The following CD8A variants were observed in gnomAD, a reference collection of about 807,000 sequenced individuals.
The protein encoded by CD8A is T-cell surface glycoprotein CD8 alpha chain.
In CD8A, 25 loss-of-function variants were observed where a neutral mutation model predicts 24.2. That is an observed-to-expected ratio of 1.03 (90% CI 0.75 to 1.44). CD8A has a LOEUF of 1.44. CD8A is among the 40% of genes most tolerant of loss of function. The probability of loss-of-function intolerance (pLI) is 0.00; values close to 1 mark genes in which losing one functional copy is unlikely to be tolerated. For synonymous variants in CD8A, 165 were observed against 149.9 expected (o/e 1.10, Z -0.74); for missense variants, 360 against 319.7 (o/e 1.13, Z -0.96).
At chr2:86,797,997 T>G (rs774794515) in intron 3 of CD8A, among the ~76,000 whole-genome samples, 13 of 152,216 alleles carry the variant, frequency 8.5e-5, no homozygotes, top group Non-Finnish European at 1.3e-4. Flanking sequence ...TCCTTTTAAT[T>G]CAGTTCATAT....
intron 5 of CD8A, 127 bp downstream of exon 5, chr2:86,788,403 C>T: frequency 2.5e-6 from 2 of 784,460 alleles, no homozygotes; most frequent in Non-Finnish European, 4.5e-6. Context: ...CTGGCTGACT[C>T]CCTGCCCCAG....
chr2:86,800,318 C>T (rs772637515), intron 3 of CD8A, among the ~76,000 whole-genome samples: 11 of 151,242 alleles, frequency 7.3e-5, no homozygotes, highest in African/African-American at 1.7e-4. Context: ...AAAATTTAGT[C>T]GGGCATGGTG....
chr2:86,786,568 G>A (rs2104427733), intron 5 of CD8A, among the ~76,000 whole-genome samples: 1 of 152,294 alleles, frequency 6.6e-6, no homozygotes, highest in African/African-American at 2.4e-5. Flanking sequence ...ATTAACTCGG[G>A]TGTTGGAATT....
chr2:86,789,919 C>T (rs747090522), intron 2 of CD8A, among the ~76,000 whole-genome samples, 169 bp from the exon 3 acceptor site: 1 of 151,428 alleles, frequency 6.6e-6, no homozygotes, highest in Non-Finnish European at 1.5e-5. Context: ...GACCCCTGTG[C>T]TCGGGCCTCG....
chr2:86,798,178 CT>C (rs1215491737), intron 3 of CD8A, among the ~76,000 whole-genome samples: 362 of 142,650 alleles, frequency 2.5e-3, no homozygotes, highest in Non-Finnish European at 2.5e-3. Context: ...AGCTTTCTTT[CT>C]TTTTTTTTTT....
intron 2 of CD8A, 41 bp downstream of exon 2, chr2:86,790,287 C>CA (rs1012745192): frequency 6.2e-6 from 9 of 1,446,980 alleles, no homozygotes; most frequent in Non-Finnish European, 8.8e-6. Flanking sequence ...AGGTGAACCC[C>CA]AAGCCCCACG....
chr2:86,804,619 T>C (rs1354055363), intron 2 of CD8A, among the ~76,000 whole-genome samples: 1 of 152,010 alleles, frequency 6.6e-6, no homozygotes, highest in Non-Finnish European at 1.5e-5. Context: ...ATTATTATTT[T>C]TTTTAGAGAC....
intron 2 of CD8A, among the ~76,000 whole-genome samples, chr2:86,803,977 G>A (rs1251536384): frequency 6.6e-6 from 1 of 152,198 alleles, no homozygotes; most frequent in East Asian, 1.9e-4. Context: ...GGATGAACAA[G>A]TCAAATAAAG....
Position 86,790,655 on chromosome 2 carries a change from CCCGGAA to C in CD8A, c.70_75del (p.Phe24_Arg25del). The stretch of plus-strand genomic sequence containing the variant: ...TTCCAGGTCCGATCCAGCGGCGACA[CCCGGAA>C]CTGGCTCGGCCTGGCGGCGTCTGCA... On this transcript the variant is annotated inframe_deletion, in exon 2 of 6. Transcript: ENST00000283635. 2 of 1,600,998 alleles carry C rather than the reference CCCGGAA, an allele frequency of 1.2e-6. No homozygotes were observed. The highest frequency in any genetic ancestry group is 1.7e-4 in the Middle Eastern group (1 of 5,986).
At position 86,788,541 on chromosome 2, in the gene CD8A, G is replaced by A; in HGVS notation, c.645C>T (p.Cys215=). 1.2e-6 allele frequency: 2 copies of A among 1,613,270 alleles called. No individual in the cohort carries two copies. Among genetic ancestry groups the A allele is most frequent in the Non-Finnish European group, 1.7e-6 (2 of 1,179,512 alleles). Reference sequence around the variant, plus strand: ...CAAAAGAGACTCACCGGGGACATTTGCAAACACGTCTTCGGTTCCCTGGAT... The same window carrying A: ...CAAAAGAGACTCACCGGGGACATTTACAAACACGTCTTCGGTTCCCTGGAT... ...YCNHRNRRRV[C]KCPRPVVKSG... is the part of the protein sequence containing the mutation. The change falls in exon 5 of 6, where the codon TGC becomes TGT. Residue 215 remains cysteine, a synonymous_variant. Coordinates refer to ENST00000283635, the MANE Select transcript of CD8A (RefSeq NM_001768.7).
upstream of CD8A, among the ~76,000 whole-genome samples, chr2:86,795,759 A>G (rs1673461580): frequency 6.6e-6 from 1 of 152,180 alleles, no homozygotes; most frequent in Admixed American, 6.5e-5. Context: ...GAGAGCCCAC[A>G]GCCACCCATG....
At chr2:86,808,006 A>C (rs1176660836) in intron 1 of CD8A, 1 of 152,364 alleles carries the variant, frequency 6.6e-6, no homozygotes, top group Non-Finnish European at 1.5e-5. Flanking sequence ...TGGATCTTGC[A>C]GCCCTTCCAT....
chr2:86,791,322 A>G, upstream of CD8A: 1 of 361,646 alleles, frequency 2.8e-6, no homozygotes, highest in Non-Finnish European at 5.4e-6. Flanking sequence ...GCTGAAAAGG[A>G]AGAGGAACTA....
chr2:86,790,978 C>G (rs1463978635), upstream of CD8A: 1 of 802,120 alleles, frequency 1.2e-6, no homozygotes, highest in Non-Finnish European at 2.1e-6. Context: ...CCGAAGCCCC[C>G]GCCGAGGAGA....
At chr2:86,788,668 T>G in intron 4 of CD8A, 108 bp from the exon 5 acceptor site, 2 of 1,046,808 alleles carry the variant, frequency 1.9e-6, no homozygotes, top group Non-Finnish European at 3.0e-6. Flanking sequence ...GTTTTTTGGT[T>G]TTACAAAAAA....
At chr2:86,789,889 G>A in intron 2 of CD8A, 139 bp from the exon 3 acceptor site, 2 of 572,450 alleles carry the variant, frequency 3.5e-6, no homozygotes, top group Non-Finnish European at 5.8e-6. Flanking sequence ...AGACAGGATG[G>A]GGACCCCGGG....
chr2:86,799,936 AT>A (rs1237969744), intron 3 of CD8A, among the ~76,000 whole-genome samples: 2 of 144,676 alleles, frequency 1.4e-5, no homozygotes, highest in African/African-American at 2.5e-5. Flanking sequence ...AGGAATCAGA[AT>A]TCTTTTTTTT....
At chr2:86,806,006 A>G (rs1673842392) in intron 2 of CD8A, among the ~76,000 whole-genome samples, 1 of 151,806 alleles carries the variant, frequency 6.6e-6, no homozygotes, top group South Asian at 2.1e-4. Context: ...ACAATTTGTT[A>G]TCTTAAAACA....
intron 3 of CD8A, among the ~76,000 whole-genome samples, chr2:86,797,471 G>A (rs916701215): frequency 2.6e-5 from 4 of 152,146 alleles, no homozygotes; most frequent in Non-Finnish European, 5.9e-5. Context: ...GTGGCAGGTA[G>A]AGATTGTAAG....
Sources: allele counts gnomAD v4.1 joint callset (sites outside exome capture counted in the v4.1 genomes callset), GRCh38; gene constraint gnomAD v4.1.1; transcripts MANE v1.5; gene names NCBI Gene and HGNC (gene_info 2026-07-23, HGNC 2026-07-21).